Variants in MAGI2 observed in about 807,000 individuals in gnomAD.
MAGI2 encodes membrane associated guanylate kinase, WW and PDZ domain containing 2.
MAGI2 carries 35 observed loss-of-function variants against 133.3 expected under a neutral mutation model. The ratio of observed to expected loss-of-function variants is 0.26; its 90% CI spans 0.20 to 0.35. The LOEUF is 0.35. Among genes scored for constraint, MAGI2 ranks in the 10% least tolerant of loss-of-function variants. The pLI is 1.00. For missense variants in MAGI2, 1,636 were observed against 1,863.4 expected, an observed-to-expected ratio of 0.88 and a Z score of 2.25; for synonymous variants, 729 against 710.6, an observed-to-expected ratio of 1.03 and a Z score of -0.41.
At chr7:79,441,169 C>T (rs1048937314) in intron 1 of MAGI2, among the ~76,000 whole-genome samples, 1 of 152,150 alleles carries the variant, frequency 6.6e-6, no homozygotes, top group African/African-American at 2.4e-5. Flanking sequence ...AAACACTTAC[C>T]AGTGTTATAA....
At chr7:78,460,408 C>T (rs888856003) in intron 6 of MAGI2, among the ~76,000 whole-genome samples, 3 of 152,144 alleles carry the variant, frequency 2.0e-5, no homozygotes, top group African/African-American at 7.2e-5. Flanking sequence ...ACTGATAGTT[C>T]TTTTGAAAAT....
At chr7:78,299,608 A>G (rs1675075607) in intron 9 of MAGI2, among the ~76,000 whole-genome samples, 1 of 152,080 alleles carries the variant, frequency 6.6e-6, no homozygotes, top group Admixed American at 6.5e-5. Flanking sequence ...CTGTTTTCCA[A>G]CTTTTAAGTT....
chr7:78,806,302 T>C (rs1788571340), intron 2 of MAGI2, among the ~76,000 whole-genome samples: 1 of 152,182 alleles, frequency 6.6e-6, no homozygotes, highest in Admixed American at 6.5e-5. Context: ...GAACTTAATC[T>C]ACACTGAAAG....
chr7:78,479,202 T>G (rs1350159950), intron 6 of MAGI2, among the ~76,000 whole-genome samples: 1 of 151,964 alleles, frequency 6.6e-6, no homozygotes, highest in African/African-American at 2.4e-5. Context: ...CATTGCTGAT[T>G]TGAAGTATTA....
chr7:78,046,470 C>G, intron 21 of MAGI2, among the ~76,000 whole-genome samples: 1 of 151,918 alleles, frequency 6.6e-6, no homozygotes, highest in Non-Finnish European at 1.5e-5. Context: ...GGGTCATCAT[C>G]ATAGGTGAGA....
At chr7:79,332,832 T>C (rs1437415748) in intron 1 of MAGI2, among the ~76,000 whole-genome samples, 1 of 152,206 alleles carries the variant, frequency 6.6e-6, no homozygotes, top group East Asian at 1.9e-4. Context: ...CAATCTATTA[T>C]TTTTGGTTAA....
chr7:78,988,052 A>G (rs1415810995), intron 2 of MAGI2, among the ~76,000 whole-genome samples: 1 of 152,084 alleles, frequency 6.6e-6, no homozygotes, highest in Non-Finnish European at 1.5e-5. Context: ...TAACATTGCA[A>G]AGCTATAATC....
chr7:79,448,343 G>A (rs1313087363), intron 1 of MAGI2, among the ~76,000 whole-genome samples: 1 of 151,864 alleles, frequency 6.6e-6, no homozygotes, highest in Non-Finnish European at 1.5e-5. Context: ...CTATATTAAT[G>A]TCAATCATTT....
intron 2 of MAGI2, among the ~76,000 whole-genome samples, chr7:78,950,963 C>T (rs1801825006): frequency 2.0e-5 from 3 of 148,942 alleles, no homozygotes; most frequent in African/African-American, 5.0e-5. Context: ...CCCACCCTAA[C>T]GTTAGCTTTT....
chr7:78,041,596 G>T (rs1023292279), intron 21 of MAGI2, among the ~76,000 whole-genome samples: 5 of 152,188 alleles, frequency 3.3e-5, no homozygotes, highest in Admixed American at 3.3e-4. Context: ...GATTGCTTGA[G>T]CCTAGGAGTG....
At chr7:78,790,691 C>G (rs147341359) in intron 2 of MAGI2, among the ~76,000 whole-genome samples, 1 of 152,082 alleles carries the variant, frequency 6.6e-6, no homozygotes, top group Non-Finnish European at 1.5e-5. Context: ...GCCTGGGTCT[C>G]CCAAAGTGCT....
At chr7:79,255,631 T>C (rs1301494416) in intron 1 of MAGI2, among the ~76,000 whole-genome samples, 1 of 152,090 alleles carries the variant, frequency 6.6e-6, no homozygotes, top group Non-Finnish European at 1.5e-5. Flanking sequence ...CAGGTCAGTG[T>C]CTCTGGAGGT....
chr7:79,204,028 T>G (rs959411660), intron 1 of MAGI2, among the ~76,000 whole-genome samples: 3 of 151,990 alleles, frequency 2.0e-5, no homozygotes, highest in Admixed American at 6.5e-5. Flanking sequence ...AGTATTACAT[T>G]ACATGTATCA....
At chr7:79,418,049 C>T (rs1052641249) in intron 1 of MAGI2, among the ~76,000 whole-genome samples, 6 of 151,912 alleles carry the variant, frequency 3.9e-5, no homozygotes, top group African/African-American at 7.3e-5. Flanking sequence ...CAAATTTATA[C>T]AAAATCTATT....
chr7:78,369,301 A>ACCATTTCTGC, intron 6 of MAGI2, 88 bp from the exon 7 acceptor site: 1 of 938,240 alleles, frequency 1.1e-6, no homozygotes, highest in Non-Finnish European at 1.6e-6. Flanking sequence ...TGGATTGCAG[A>ACCATTTCTGC]AATGGTCTGC....
chr7:78,921,371 GTAGATTCC>G lies in MAGI2; in HGVS notation c.418+85711_418+85718del, dbSNP rs534713822. Among the ~76,000 whole-genome samples, 30 of 152,234 alleles carry G rather than the reference GTAGATTCC, an allele frequency of 2.0e-4. No individual in the cohort carries two copies. In the South Asian group the frequency reaches 6.2e-3, roughly 32 times the overall value. On this transcript the variant is annotated intron_variant, in intron 2 of 21. Transcript: ENST00000354212. ...CCATTTGGGATAATTTATTTGAAATGTAGATTCCTAAGTTCATCCCTCCCGCCCCCTAA... is the reference window on the plus strand; with the variant it reads ...CCATTTGGGATAATTTATTTGAAATGTAAGTTCATCCCTCCCGCCCCCTAA...
At chr7:78,713,828 C>A (rs955213283) in intron 2 of MAGI2, among the ~76,000 whole-genome samples, 1 of 152,072 alleles carries the variant, frequency 6.6e-6, no homozygotes, top group Non-Finnish European at 1.5e-5. Context: ...TTTTACCTCA[C>A]GTATTCTCAA....
intron 21 of MAGI2, among the ~76,000 whole-genome samples, chr7:78,070,174 C>CACATAT (rs1321917404): frequency 2.1e-4 from 12 of 56,646 alleles, no homozygotes; most frequent in East Asian, 6.4e-4. Flanking sequence ...CACACACACA[C>CACATAT]ATATATATAT....
At chr7:78,880,467 C>T (rs1364220214) in intron 2 of MAGI2, among the ~76,000 whole-genome samples, 1 of 152,100 alleles carries the variant, frequency 6.6e-6, no homozygotes, top group Non-Finnish European at 1.5e-5. Flanking sequence ...TTTCATGTCC[C>T]CCCAAACTAA....
Sources: allele counts gnomAD v4.1 joint callset (sites outside exome capture counted in the v4.1 genomes callset), GRCh38; gene constraint gnomAD v4.1.1; transcripts MANE v1.5; gene names NCBI Gene and HGNC (gene_info 2026-07-23, HGNC 2026-07-21).